PLXNA4: variants seen among roughly 807,000 people sequenced by gnomAD.
The protein encoded by PLXNA4 is plexin-A4.
Under a neutral mutation model 191.8 loss-of-function variants are expected in PLXNA4, and 44 were observed. The observed-to-expected ratio is 0.23, with a 90% CI of 0.18 to 0.29. PLXNA4 has a LOEUF of 0.29. Among genes scored for constraint, PLXNA4 ranks in the 10% least tolerant of loss-of-function variants. PLXNA4 has a pLI of 1.00. For missense variants in PLXNA4, 1,800 were observed against 2,488.8 expected, an observed-to-expected ratio of 0.72 and a Z score of 5.89; for synonymous variants, 1,082 against 1,009.5, an observed-to-expected ratio of 1.07 and a Z score of -1.36.
At chr7:132,345,247 G>T (rs1259872648) in intron 3 of PLXNA4, among the ~76,000 whole-genome samples, 1 of 152,106 alleles carries the variant, frequency 6.6e-6, no homozygotes, top group Non-Finnish European at 1.5e-5. Flanking sequence ...GCACAAAGTT[G>T]GTTGGCAAAC....
chr7:132,237,420 A>G (rs1423140351), intron 5 of PLXNA4, among the ~76,000 whole-genome samples: 1 of 152,072 alleles, frequency 6.6e-6, no homozygotes, highest in East Asian at 1.9e-4. Context: ...GGAGTGGGGG[A>G]AGACAAGATT....
intron 1 of PLXNA4, among the ~76,000 whole-genome samples, chr7:132,516,192 T>G (rs988614724): frequency 2.6e-5 from 4 of 152,118 alleles, no homozygotes; most frequent in Non-Finnish European, 5.9e-5. Flanking sequence ...CCAGGGTTTA[T>G]AAATACTTAA....
At chr7:132,251,611 C>G (rs1799255475) in intron 4 of PLXNA4, among the ~76,000 whole-genome samples, 1 of 152,240 alleles carries the variant, frequency 6.6e-6, no homozygotes, top group African/African-American at 2.4e-5. Context: ...AAGGGCTCTG[C>G]TGACCAGCGT....
chr7:132,157,767 T>C (rs1326575637), intron 25 of PLXNA4, among the ~76,000 whole-genome samples: 1 of 152,216 alleles, frequency 6.6e-6, no homozygotes, highest in Non-Finnish European at 1.5e-5. Flanking sequence ...GCTAGCTGGT[T>C]CCACTACCAA....
chr7:132,565,376 G>T (rs949783175), intron 1 of PLXNA4, among the ~76,000 whole-genome samples: 12 of 152,078 alleles, frequency 7.9e-5, no homozygotes, highest in Non-Finnish European at 1.8e-4. Context: ...AAAACCTCAG[G>T]ATTATTTTGC....
At chr7:132,562,502 C>T (rs1801246882) in intron 1 of PLXNA4, among the ~76,000 whole-genome samples, 1 of 131,750 alleles carries the variant, frequency 7.6e-6, no homozygotes, top group Non-Finnish European at 1.6e-5. Flanking sequence ...CTTTCTCCTC[C>T]TCCTCCTTCT....
intron 3 of PLXNA4, among the ~76,000 whole-genome samples, chr7:132,487,620 C>A (rs1164875038): frequency 1.3e-5 from 2 of 152,178 alleles, no homozygotes; most frequent in Admixed American, 1.3e-4. Context: ...GGTTTCCTAG[C>A]CCACCAAAGC....
At chr7:132,527,236 A>C (rs1486056733) in intron 1 of PLXNA4, among the ~76,000 whole-genome samples, 1 of 152,090 alleles carries the variant, frequency 6.6e-6, no homozygotes, top group Non-Finnish European at 1.5e-5. Flanking sequence ...GGACCTCAGC[A>C]CCTCCTCAAG....
At chr7:132,163,994 C>T (rs1796023424) in intron 24 of PLXNA4, 148 bp downstream of exon 24, 4 of 1,308,032 alleles carry the variant, frequency 3.1e-6, no homozygotes, top group African/African-American at 2.9e-5. Flanking sequence ...GTGATGGACA[C>T]AGCGGGAGCA....
At chr7:132,377,832 A>G (rs1270761406) in intron 3 of PLXNA4, among the ~76,000 whole-genome samples, 1 of 152,216 alleles carries the variant, frequency 6.6e-6, no homozygotes, top group Non-Finnish European at 1.5e-5. Context: ...GAAAAGAGCC[A>G]GGATGGATGG....
intron 1 of PLXNA4, among the ~76,000 whole-genome samples, chr7:132,575,546 C>G (rs932462259): frequency 7.9e-5 from 12 of 152,138 alleles, no homozygotes; most frequent in Non-Finnish European, 1.3e-4. Flanking sequence ...CCGGAGGCAC[C>G]GGGGAAGGCA....
chr7:132,442,375 C>G (rs1197174455), intron 3 of PLXNA4, among the ~76,000 whole-genome samples: 1 of 152,094 alleles, frequency 6.6e-6, no homozygotes, highest in African/African-American at 2.4e-5. Context: ...GAAAGAGAAG[C>G]CTGTAAAGAT....
chr7:132,459,668 G>GCCC (rs1796430509), intron 3 of PLXNA4, among the ~76,000 whole-genome samples: 1 of 152,156 alleles, frequency 6.6e-6, no homozygotes, highest in Non-Finnish European at 1.5e-5. Context: ...TTCAACACCA[G>GCCC]CCCAAGCAGG....
In PLXNA4 at chr7:132,130,426, C is replaced by T; in HGVS notation, c.*53G>A. On this transcript the variant is annotated 3_prime_UTR_variant, in exon 32 of 32. Transcript: ENST00000321063. ...CACTTGGTAAAGATGATAATCTAGA[C>T]TGAGGCACGGCTTGGTGTGTCCCCC... The T allele has an allele frequency of 1.2e-6, 2 of 1,613,272 alleles. No homozygotes were observed. The highest frequency in any genetic ancestry group is 2.2e-5 in the South Asian group (2 of 91,024).
intron 3 of PLXNA4, among the ~76,000 whole-genome samples, chr7:132,401,982 T>A (rs1468032912): frequency 6.6e-6 from 1 of 152,142 alleles, no homozygotes; most frequent in African/African-American, 2.4e-5. Context: ...CTTGTCATGG[T>A]TCATGTCACT....
intron 24 of PLXNA4, among the ~76,000 whole-genome samples, chr7:132,162,561 G>C (rs989936433): frequency 6.6e-6 from 1 of 152,154 alleles, no homozygotes; most frequent in African/African-American, 2.4e-5. Flanking sequence ...GGAGTGGAAC[G>C]GGGGAGACAG....
chr7:132,353,650 A>G (rs1803580225), intron 3 of PLXNA4, among the ~76,000 whole-genome samples: 1 of 152,228 alleles, frequency 6.6e-6, no homozygotes, highest in Non-Finnish European at 1.5e-5. Flanking sequence ...ACAAAAAAAC[A>G]CAAGCATGAT....
At chr7:132,200,535 T>A (rs1231738891) in intron 12 of PLXNA4, among the ~76,000 whole-genome samples, 2 of 152,082 alleles carry the variant, frequency 1.3e-5, no homozygotes, top group Non-Finnish European at 2.9e-5. Context: ...TGCAAAAGAC[T>A]GAAGTGGGGA....
intron 3 of PLXNA4, among the ~76,000 whole-genome samples, chr7:132,326,999 G>A (rs945374435): frequency 8.9e-5 from 10 of 112,340 alleles, no homozygotes; most frequent in African/African-American, 3.0e-4. Context: ...GAAGGAGGGA[G>A]GGAAGGAAGA....
Sources: gnomAD v4.1 joint callset for allele counts (sites outside exome capture counted in the v4.1 genomes callset) on GRCh38, gnomAD v4.1.1 for gene constraint, MANE v1.5 for transcripts, NCBI Gene and HGNC (gene_info 2026-07-23, HGNC 2026-07-21) for gene names.